DAAM1: variants seen among roughly 807,000 people sequenced by gnomAD.
DAAM1 encodes the protein disheveled-associated activator of morphogenesis 1.
Under a neutral mutation model 130.0 loss-of-function variants are expected in DAAM1, and 52 were observed. The observed-to-expected ratio is 0.40, with a 90% CI of 0.32 to 0.50. The LOEUF is 0.50. DAAM1 is among the 20% of genes least tolerant of loss of function. The pLI is 0.61. For missense variants in DAAM1, 1,134 were observed against 1,303.8 expected (o/e 0.87, Z 2.01); for synonymous variants, 452 against 444.5 (o/e 1.02, Z -0.21).
At position 59,315,323 on chromosome 14, in the gene DAAM1, A is replaced by T; in HGVS notation, c.317A>T (p.Tyr106Phe). 6.2e-7 allele frequency: 1 copy of T among 1,614,028 alleles called. No individual in the cohort carries two copies. Among genetic ancestry groups the T allele is most frequent in the Non-Finnish European group, 8.5e-7 (1 of 1,179,952 alleles). ...GGAGCTACAAGTTGGCCTGAATTCT[A>T]CATTGATCAGCTCAATTCCATGGCT... ...NKGATSWPEF[Y>F]IDQLNSMAAR... Residue 106 changes from tyrosine to phenylalanine, a missense_variant, in exon 4 of 25, where the codon TAC becomes TTC. By Grantham distance (22) the Tyr-to-Phe change is conservative. Around this residue, in one of 3 missense-constraint regions of DAAM1, gnomAD observed 391 missense variants for 521.6 expected, o/e 0.75. Coordinates refer to ENST00000360909, the MANE Select transcript of DAAM1 (RefSeq NM_001270520.2).
intron 4 of DAAM1, among the ~76,000 whole-genome samples, chr14:59,319,238 C>A (rs1364491562): frequency 6.6e-6 from 1 of 152,118 alleles, no homozygotes; most frequent in African/African-American, 2.4e-5. Flanking sequence ...TTTGCAGAAA[C>A]AATAACAAGA....
chr14:59,263,729 G>T, intron 2 of DAAM1, 69 bp downstream of exon 2: 1 of 1,598,982 alleles, frequency 6.3e-7, no homozygotes, highest in Non-Finnish European at 8.5e-7. Flanking sequence ...GGATGTGAAT[G>T]AGTTGGTTTG....
chr14:59,252,204 G>T (rs951315164), intron 1 of DAAM1, among the ~76,000 whole-genome samples: 2 of 152,188 alleles, frequency 1.3e-5, no homozygotes. Context: ...TATCTTGAGG[G>T]TTTGCAGTAG....
intron 1 of DAAM1, among the ~76,000 whole-genome samples, chr14:59,257,798 C>T (rs979813729): frequency 4.6e-5 from 7 of 152,166 alleles, no homozygotes; most frequent in African/African-American, 1.7e-4. Context: ...CATTGGTCTT[C>T]CCTAGTGACT....
chr14:59,232,007 C>T (rs1472695431), intron 1 of DAAM1, among the ~76,000 whole-genome samples: 2 of 152,106 alleles, frequency 1.3e-5, no homozygotes, highest in Non-Finnish European at 2.9e-5. Flanking sequence ...TATGCTCCAG[C>T]CTGAGAGCTA....
At chr14:59,363,529 C>A in intron 22 of DAAM1, 122 bp from the exon 23 acceptor site, 1 of 1,401,082 alleles carries the variant, frequency 7.1e-7, no homozygotes, top group South Asian at 1.4e-5. Flanking sequence ...TGTTTTAGAA[C>A]AAGTTTTGAT....
chr14:59,329,675 A>G (rs889513164), intron 12 of DAAM1, among the ~76,000 whole-genome samples: 2 of 152,252 alleles, frequency 1.3e-5, no homozygotes, highest in African/African-American at 4.8e-5. Flanking sequence ...TCTCTTTTCC[A>G]AAACTCATCA....
intron 16 of DAAM1, 78 bp from the exon 17 acceptor site, chr14:59,347,461 G>C: frequency 7.5e-7 from 1 of 1,338,690 alleles, no homozygotes; most frequent in Non-Finnish European, 1.0e-6. Context: ...AAAATCAGCA[G>C]CTGGGGTAGC....
intron 1 of DAAM1, among the ~76,000 whole-genome samples, chr14:59,221,313 A>T (rs576855559): frequency 3.4e-4 from 52 of 152,372 alleles, no homozygotes; most frequent in African/African-American, 1.2e-3. Context: ...GAAAACAAGG[A>T]TATTTACTTA....
chr14:59,235,442 T>G (rs1448858478), intron 1 of DAAM1, among the ~76,000 whole-genome samples: 1 of 152,210 alleles, frequency 6.6e-6, no homozygotes, highest in African/African-American at 2.4e-5. Context: ...GAGGTGTTTA[T>G]AGTATTCTCT....
chr14:59,251,977 C>T (rs1006456700), intron 1 of DAAM1, among the ~76,000 whole-genome samples: 1 of 152,092 alleles, frequency 6.6e-6, no homozygotes. Context: ...AGCGTGCTGC[C>T]CCAAATGAGT....
intron 23 of DAAM1, 121 bp downstream of exon 23, chr14:59,363,903 A>C (rs1371240237): frequency 3.6e-6 from 5 of 1,370,786 alleles, no homozygotes; most frequent in Non-Finnish European, 5.0e-6. Flanking sequence ...TGGTGCAGGA[A>C]ATAAAGTAGT....
At chr14:59,248,523 A>G (rs1881497510) in intron 1 of DAAM1, among the ~76,000 whole-genome samples, 1 of 152,116 alleles carries the variant, frequency 6.6e-6, no homozygotes, top group African/African-American at 2.4e-5. Context: ...CCCCAGTGAG[A>G]AAACACACTC....
At chr14:59,206,112 C>T (rs1402766263) in intron 1 of DAAM1, among the ~76,000 whole-genome samples, 1 of 152,010 alleles carries the variant, frequency 6.6e-6, no homozygotes, top group African/African-American at 2.4e-5. Flanking sequence ...CCGTGGCCTC[C>T]CAAAGTTGCT....
Position 59,220,855 on chromosome 14 carries a change from G to T in DAAM1, c.-38+32087G>T, listed in dbSNP as rs541873936. Among the ~76,000 whole-genome samples, 15 of 152,260 alleles carry T rather than the reference G, an allele frequency of 9.9e-5. No homozygotes were observed. The South Asian group carries it at 1.5e-3, about 15-fold the overall frequency. ...CTTCCTCTGCCTTTTTGTTCTACCTGGGCCCTAAACCGATTGGATGATGCC... is the reference window on the plus strand; with the variant it reads ...CTTCCTCTGCCTTTTTGTTCTACCTTGGCCCTAAACCGATTGGATGATGCC... On this transcript the variant is annotated intron_variant, in intron 1 of 24. Coordinates refer to ENST00000360909, the MANE Select transcript of DAAM1 (RefSeq NM_001270520.2).
chr14:59,359,381 C>T lies in DAAM1; in HGVS notation c.2526-16C>T, dbSNP rs1886614434. 6.4e-7 allele frequency: 1 copy of T among 1,554,342 alleles called. No individual in the cohort carries two copies. ...ATAATTTGAATGTTTAATACTCTTC[C>T]CTTCTTCAATTGTAGAAACATTACC... On this transcript the variant is annotated splice_polypyrimidine_tract_variant and intron_variant, in intron 20 of 24. Transcript: ENST00000360909.
chr14:59,278,625 A>T (rs1390939195), intron 2 of DAAM1, among the ~76,000 whole-genome samples: 3 of 152,198 alleles, frequency 2.0e-5, no homozygotes, highest in African/African-American at 7.2e-5. Flanking sequence ...AAACAAACTG[A>T]AAAGGTTCTT....
At chr14:59,204,061 C>T (rs111964519) in intron 1 of DAAM1, among the ~76,000 whole-genome samples, 4,237 of 152,258 alleles carry the variant, frequency 0.028, 88 homozygotes, top group Non-Finnish European at 0.04. Flanking sequence ...AAAGGTAGGC[C>T]TTGAGATACT....
chr14:59,346,588 G>GA (rs1354655526), intron 16 of DAAM1, among the ~76,000 whole-genome samples: 1 of 152,082 alleles, frequency 6.6e-6, no homozygotes, highest in African/African-American at 2.4e-5. Flanking sequence ...GCAGCATAGT[G>GA]AGACCCCATT....
Sources: gnomAD v4.1 joint callset for allele counts (sites outside exome capture counted in the v4.1 genomes callset) on GRCh38, gnomAD v4.1.1 for gene constraint, gnomAD v4.1.1 regional missense constraint, MANE v1.5 for transcripts, NCBI Gene and HGNC (gene_info 2026-07-23, HGNC 2026-07-21) for gene names.